DOCK5: variants seen among roughly 807,000 people sequenced by gnomAD.
DOCK5 encodes dedicator of cytokinesis 5.
A neutral mutation model predicts 251.8 loss-of-function variants in DOCK5; 142 were observed. The ratio of observed to expected loss-of-function variants is 0.56; its 90% CI spans 0.49 to 0.65. The LOEUF (loss-of-function observed/expected upper bound fraction) is 0.65. DOCK5 is among the 30% of genes least tolerant of loss of function. The probability of loss-of-function intolerance (pLI) is 0.00; values close to 1 mark genes in which losing one functional copy is unlikely to be tolerated. For synonymous variants in DOCK5, 842 were observed against 835.5 expected (o/e 1.01, Z -0.13); for missense variants, 2,111 against 2,312.3 (o/e 0.91, Z 1.79).
intron 5 of DOCK5, among the ~76,000 whole-genome samples, chr8:25,291,487 A>G (rs542656309): frequency 6.6e-6 from 1 of 150,822 alleles, no homozygotes; most frequent in African/African-American, 2.4e-5. Flanking sequence ...GTTCGAGACC[A>G]GCCTGGCCAA....
At chr8:25,354,212 A>C (rs1232009296) in intron 27 of DOCK5, among the ~76,000 whole-genome samples, 1 of 152,130 alleles carries the variant, frequency 6.6e-6, no homozygotes, top group African/African-American at 2.4e-5. Context: ...AGATGGAAAA[A>C]AACAGGATTG....
intron 1 of DOCK5, among the ~76,000 whole-genome samples, chr8:25,196,927 C>A (rs527692561): frequency 6.6e-6 from 1 of 152,082 alleles, no homozygotes; most frequent in Non-Finnish European, 1.5e-5. Context: ...GGCTGGGCAC[C>A]GTGGCTCATG....
chr8:25,315,366 A>G (rs1393284344), intron 13 of DOCK5, among the ~76,000 whole-genome samples: 2 of 151,952 alleles, frequency 1.3e-5, no homozygotes, highest in Non-Finnish European at 2.9e-5. Context: ...AGAGCCTGGC[A>G]CATTCCTCCA....
chr8:25,323,757 T>C (rs1468759939), intron 16 of DOCK5, 91 bp from the exon 17 acceptor site: 2 of 1,393,320 alleles, frequency 1.4e-6, no homozygotes, highest in East Asian at 4.9e-5. Flanking sequence ...GGTTGAACGC[T>C]GCACCCCCGA....
In DOCK5 at chr8:25,195,928, C is replaced by T. The variant is rs147496762; in HGVS notation, c.43+10977C>T. On this transcript the variant is annotated intron_variant, in intron 1 of 51. Coordinates refer to ENST00000276440, the MANE Select transcript of DOCK5 (RefSeq NM_024940.8). ...TATATGCTGTATGAATAAATGAATA[C>T]TGACCCCATCATCTCTTTAAATTCA... Among the ~76,000 whole-genome samples, 143 of 152,330 alleles carry T rather than the reference C, an allele frequency of 9.4e-4. 4 individuals carry two copies. The East Asian group carries it at 0.025, about 26-fold the overall frequency.
chr8:25,292,184 AG>A lies in DOCK5; in HGVS notation c.470+15del, dbSNP rs1563340660. Reference sequence around the variant, plus strand: ...GATCATGGGAACAGGTAGGTAAACCAGGGATGGCTTTTCACTGAAAACTTGG... The same window carrying A: ...GATCATGGGAACAGGTAGGTAAACCAGGATGGCTTTTCACTGAAAACTTGG... On this transcript the variant is annotated intron_variant, in intron 6 of 51. Transcript: ENST00000276440. 11 of 1,553,374 alleles carry A rather than the reference AG, an allele frequency of 7.1e-6. No individual in the cohort carries two copies. In the South Asian group the frequency reaches 1.3e-4, roughly 19 times the overall value.
At chr8:25,338,894 A>C (rs1177530882) in intron 22 of DOCK5, among the ~76,000 whole-genome samples, 1 of 152,220 alleles carries the variant, frequency 6.6e-6, no homozygotes, top group East Asian at 1.9e-4. Context: ...GGCACATCAG[A>C]GTCCTCATTC....
At chr8:25,191,300 G>T (rs995550959) in intron 1 of DOCK5, among the ~76,000 whole-genome samples, 3 of 152,304 alleles carry the variant, frequency 2.0e-5, no homozygotes, top group East Asian at 3.9e-4. Context: ...CCGATGGAAT[G>T]CAGGGGCAGC....
At chr8:25,350,346 T>C (rs1800444402) in intron 26 of DOCK5, among the ~76,000 whole-genome samples, 1 of 145,124 alleles carries the variant, frequency 6.9e-6, no homozygotes. Flanking sequence ...AAAAGTCAAG[T>C]TGCATGTGGG....
intron 6 of DOCK5, among the ~76,000 whole-genome samples, chr8:25,293,174 T>C (rs1463587385): frequency 1.3e-5 from 2 of 152,210 alleles, no homozygotes; most frequent in Non-Finnish European, 2.9e-5. Context: ...GTGATTCTTT[T>C]GGAATTAGTT....
At position 25,406,582 on chromosome 8, in the gene DOCK5, C is replaced by G. The variant is rs148083011; in HGVS notation, c.5094-1401C>G. Reference sequence around the variant, plus strand: ...ATAGTTTGGTACTTTGCTGTTCTTTCTTACCTTTTTATTATAAGCATTTGT... The same window carrying G: ...ATAGTTTGGTACTTTGCTGTTCTTTGTTACCTTTTTATTATAAGCATTTGT... On this transcript the variant is annotated intron_variant, in intron 48 of 51. Coordinates refer to ENST00000276440, the MANE Select transcript of DOCK5 (RefSeq NM_024940.8). Among the ~76,000 whole-genome samples, 10 of 151,986 alleles carry G rather than the reference C, an allele frequency of 6.6e-5. 1 individual carries two copies. Among genetic ancestry groups the G allele is most frequent in the Admixed American group, 2.0e-4 (3 of 15,244 alleles).
chr8:25,262,877 C>T (rs1160332898), intron 2 of DOCK5, among the ~76,000 whole-genome samples: 2 of 150,878 alleles, frequency 1.3e-5, no homozygotes, highest in Non-Finnish European at 2.9e-5. Context: ...TGGAATGCAG[C>T]GGCATGATCT....
chr8:25,358,951 T>C lies in DOCK5; in HGVS notation c.2851-12T>C, dbSNP rs766613024. 1 of 1,612,126 alleles carries C rather than the reference T, an allele frequency of 6.2e-7. No individual in the cohort carries two copies. The highest frequency in any genetic ancestry group is 1.1e-5 in the South Asian group (1 of 91,024). Reference sequence around the variant, plus strand: ...AAGGAGTCTTGGATTTGTGCTTTCCTTTTCCTTCCAGGGGAGTTTTGTGGC... The same window carrying C: ...AAGGAGTCTTGGATTTGTGCTTTCCCTTTCCTTCCAGGGGAGTTTTGTGGC... On this transcript the variant is annotated splice_polypyrimidine_tract_variant and intron_variant, in intron 27 of 51. Coordinates refer to ENST00000276440, the MANE Select transcript of DOCK5 (RefSeq NM_024940.8).
chr8:25,328,052 C>T (rs931517947), intron 18 of DOCK5, among the ~76,000 whole-genome samples: 2 of 151,782 alleles, frequency 1.3e-5, no homozygotes, highest in East Asian at 1.9e-4. Flanking sequence ...TAAATCAGTC[C>T]GCTAGTTGCC....
chr8:25,396,057 G>A (rs1469061260), intron 45 of DOCK5, among the ~76,000 whole-genome samples: 3 of 152,122 alleles, frequency 2.0e-5, no homozygotes, highest in African/African-American at 7.2e-5. Flanking sequence ...AGCATCTCTG[G>A]GGATGGCAGA....
chr8:25,314,678 G>A (rs994115515), intron 13 of DOCK5, among the ~76,000 whole-genome samples: 2 of 40,090 alleles, frequency 5.0e-5, no homozygotes, highest in African/African-American at 2.2e-4. Flanking sequence ...ATCCATCCAT[G>A]TATCTATCCA....
intron 26 of DOCK5, among the ~76,000 whole-genome samples, chr8:25,348,698 C>T (rs1028949612): frequency 3.9e-5 from 6 of 151,958 alleles, no homozygotes; most frequent in Non-Finnish European, 7.4e-5. Flanking sequence ...ATTAGCTGGG[C>T]GTGGTGGTGC....
chr8:25,408,429 CCT>C (rs1244692392), intron 49 of DOCK5, among the ~76,000 whole-genome samples: 8 of 152,236 alleles, frequency 5.3e-5, no homozygotes, highest in South Asian at 4.2e-4. Flanking sequence ...CACTCTGTCC[CCT>C]GAGTCAATCC....
At chr8:25,194,300 A>G (rs1034589511) in intron 1 of DOCK5, among the ~76,000 whole-genome samples, 3 of 152,308 alleles carry the variant, frequency 2.0e-5, no homozygotes, top group African/African-American at 7.2e-5. Flanking sequence ...TCTCAAAAAA[A>G]TAAAAGATAA....
Sources: gnomAD v4.1 joint callset for allele counts (sites outside exome capture counted in the v4.1 genomes callset) on GRCh38, gnomAD v4.1.1 for gene constraint, MANE v1.5 for transcripts, NCBI Gene and HGNC (gene_info 2026-07-23, HGNC 2026-07-21) for gene names.